KAZN: variants seen among roughly 807,000 people sequenced by gnomAD.
KAZN encodes kazrin, periplakin interacting protein, also known as kazrin.
A neutral mutation model predicts 87.4 loss-of-function variants in KAZN; 40 were observed. The observed-to-expected ratio is 0.46, with a 90% CI of 0.36 to 0.60. The LOEUF is 0.60. Among genes scored for constraint, KAZN ranks in the 20% least tolerant of loss-of-function variants. KAZN has a pLI of 0.00. For missense variants in KAZN, 898 were observed against 1,073.9 expected (o/e 0.84, Z 2.29); for synonymous variants, 466 against 458.3 (o/e 1.02, Z -0.22).
At chr1:14,825,540 C>G (rs12137340) in intron 1 of KAZN, among the ~76,000 whole-genome samples, 11,425 of 152,248 alleles carry the variant, frequency 0.075, 509 homozygotes, top group Admixed American at 0.12. Flanking sequence ...ATCATCCTCA[C>G]AAAACTCCAA....
chr1:14,441,189 C>G (rs1303080916), intron 2 of KAZN, among the ~76,000 whole-genome samples: 1 of 152,088 alleles, frequency 6.6e-6, no homozygotes, highest in Admixed American at 6.5e-5. Context: ...GCTCAGAAAG[C>G]AACTTTGGCT....
chr1:14,841,568 C>T (rs1026878548), intron 1 of KAZN, among the ~76,000 whole-genome samples: 2 of 152,088 alleles, frequency 1.3e-5, no homozygotes, highest in Admixed American at 6.5e-5. Flanking sequence ...AGCAGATGGC[C>T]ATGCACTGGC....
At chr1:14,260,223 A>T (rs1650903203) in intron 2 of KAZN, among the ~76,000 whole-genome samples, 1 of 152,202 alleles carries the variant, frequency 6.6e-6, no homozygotes, top group African/African-American at 2.4e-5. Flanking sequence ...AAACAGACAG[A>T]TATCCCTGCC....
At chr1:13,925,496 G>C (rs1347422156) in intron 1 of KAZN, among the ~76,000 whole-genome samples, 2 of 152,150 alleles carry the variant, frequency 1.3e-5, no homozygotes, top group African/African-American at 4.8e-5. Flanking sequence ...GGGAGATGGT[G>C]CTCCAGGCAG....
chr1:14,470,294 C>T (rs1290236303), intron 2 of KAZN, among the ~76,000 whole-genome samples: 1 of 152,098 alleles, frequency 6.6e-6, no homozygotes, highest in African/African-American at 2.4e-5. Context: ...GGTGTTTTCA[C>T]GGTCCCCTAA....
intron 1 of KAZN, among the ~76,000 whole-genome samples, chr1:13,953,286 C>G (rs1240971845): frequency 6.6e-6 from 1 of 152,200 alleles, no homozygotes; most frequent in Non-Finnish European, 1.5e-5. Flanking sequence ...CTCTCAGAAT[C>G]TGGAGATACT....
intron 1 of KAZN, among the ~76,000 whole-genome samples, chr1:14,638,334 C>T (rs1162792161): frequency 2.0e-5 from 3 of 151,908 alleles, no homozygotes; most frequent in African/African-American, 4.8e-5. Flanking sequence ...TTTGGGAGGC[C>T]GAGGCGGGCG....
At chr1:14,302,551 A>AAGCAC (rs1654625484) in intron 2 of KAZN, among the ~76,000 whole-genome samples, 1 of 152,234 alleles carries the variant, frequency 6.6e-6, no homozygotes, top group African/African-American at 2.4e-5. Flanking sequence ...AACTCTAAGA[A>AAGCAC]TAAAGGTTAG....
chr1:15,022,192 C>A (rs537484518), intron 2 of KAZN, among the ~76,000 whole-genome samples: 1 of 152,108 alleles, frequency 6.6e-6, no homozygotes, highest in Non-Finnish European at 1.5e-5. Flanking sequence ...CATGCACCCC[C>A]CTCCCTCCCA....
chr1:15,113,668 T>A lies in KAZN; in HGVS notation c.2164-803T>A, dbSNP rs1641737723. The A allele has an allele frequency of 2.1e-5, 2 of 95,778 alleles. 1 individual carries two copies. The highest frequency in any genetic ancestry group is 9.4e-4 in the South Asian group (2 of 2,122). 5.9% of individuals were successfully genotyped at this position (95,778 alleles called of 1,614,324 possible). A position where few individuals can be genotyped will look rare whatever the true frequency, so the allele number is the denominator to read the frequency against. ...ATGTGCTTTGCAGATGGGACTTGAC[T>A]TTTTTTTTTTTGAGACAGGGTCTCT... On this transcript the variant is annotated intron_variant, in intron 14 of 14. Coordinates refer to ENST00000376030, the MANE Select transcript of KAZN (RefSeq NM_201628.3).
At chr1:14,461,997 C>T (rs1051210884) in intron 2 of KAZN, among the ~76,000 whole-genome samples, 1 of 151,832 alleles carries the variant, frequency 6.6e-6, no homozygotes, top group Non-Finnish European at 1.5e-5. Context: ...TGAATTATAG[C>T]TCCCACAATT....
At chr1:14,238,220 G>T (rs1648604751) in intron 2 of KAZN, among the ~76,000 whole-genome samples, 1 of 152,164 alleles carries the variant, frequency 6.6e-6, no homozygotes, top group Admixed American at 6.5e-5. Flanking sequence ...TAGACCCAAT[G>T]CCAGACACTT....
intron 2 of KAZN, among the ~76,000 whole-genome samples, chr1:15,002,116 G>A (rs917736529): frequency 6.6e-6 from 1 of 152,040 alleles, no homozygotes; most frequent in Non-Finnish European, 1.5e-5. Context: ...TCCTGACCTT[G>A]TGATCCACCC....
At chr1:14,388,049 A>C (rs994506203) in intron 2 of KAZN, among the ~76,000 whole-genome samples, 2 of 152,240 alleles carry the variant, frequency 1.3e-5, no homozygotes, top group Non-Finnish European at 2.9e-5. Context: ...GGAAAAGCGC[A>C]GTATTCGGGT....
At chr1:14,154,954 C>CTTCCTTCCTTCCTTCCTTCCTTCT (rs1424377621) in intron 1 of KAZN, among the ~76,000 whole-genome samples, 1 of 8,770 alleles carries the variant, frequency 1.1e-4, no homozygotes, top group Non-Finnish European at 3.6e-4. Context: ...TGTAGTTTTT[C>CTTCCTTCCTTCCTTCCTTCCTTCT]TTCCTTCCTT....
rs1392295011 is a variant in KAZN at position 15,099,659 on chromosome 1, A to G, written c.1548-1884A>G. 1.3e-5 allele frequency among the ~76,000 whole-genome samples: 2 copies of G among 152,190 alleles called. No individual in the cohort carries two copies. Among genetic ancestry groups the G allele is most frequent in the Non-Finnish European group, 2.9e-5 (2 of 68,036 alleles). Reference sequence around the variant, plus strand: ...CCAGTGCAGGTGACCCTTGTGGACCATTCAAAGGACTTGCGATTTTACTCC... The same window carrying G: ...CCAGTGCAGGTGACCCTTGTGGACCGTTCAAAGGACTTGCGATTTTACTCC... On this transcript the variant is annotated intron_variant, in intron 10 of 14. Coordinates refer to ENST00000376030, the MANE Select transcript of KAZN (RefSeq NM_201628.3). The surrounding 1 kb of genome is among the most constrained non-coding windows in gnomAD (Gnocchi z 5.4).
intron 1 of KAZN, among the ~76,000 whole-genome samples, chr1:14,011,636 T>A (rs1472805586): frequency 6.6e-6 from 1 of 152,130 alleles, no homozygotes; most frequent in Non-Finnish European, 1.5e-5. Context: ...GAGCTAGGAA[T>A]GTAGAGCCAG....
At chr1:14,926,799 C>T (rs968094167) in intron 1 of KAZN, among the ~76,000 whole-genome samples, 49 of 152,334 alleles carry the variant, frequency 3.2e-4, no homozygotes, top group African/African-American at 1.1e-3. Flanking sequence ...AATCTCAGCA[C>T]TTGATCCCAA....
At chr1:14,419,892 A>G (rs911574272) in intron 2 of KAZN, among the ~76,000 whole-genome samples, 7 of 152,148 alleles carry the variant, frequency 4.6e-5, no homozygotes, top group Non-Finnish European at 7.3e-5. Flanking sequence ...GAGACCCCAA[A>G]GAGCGAGCAA....
Sources: allele counts gnomAD v4.1 joint callset (sites outside exome capture counted in the v4.1 genomes callset), GRCh38; gene constraint gnomAD v4.1.1; non-coding constraint Gnocchi (gnomAD v3.1); transcripts MANE v1.5; gene names NCBI Gene and HGNC (gene_info 2026-07-23, HGNC 2026-07-21).